Variants in LYSMD3 observed in about 807,000 individuals in gnomAD.
The protein encoded by LYSMD3 is lysM and putative peptidoglycan-binding domain-containing protein 3.
In LYSMD3, 13 loss-of-function variants were observed where a neutral mutation model predicts 26.1. That is an observed-to-expected ratio of 0.50 (90% CI 0.32 to 0.79). The LOEUF (loss-of-function observed/expected upper bound fraction) is 0.79, where lower values mean the gene tolerates loss of function less well. Ranked by LOEUF, LYSMD3 falls within the 30% of genes least tolerant of loss-of-function variation. The pLI is 0.03. For missense variants in LYSMD3, 331 were observed against 362.5 expected (o/e 0.91, Z 0.71); for synonymous variants, 109 against 119.4 (o/e 0.91, Z 0.57).
chr5:90,518,789 G>GACCTT lies in LYSMD3; in HGVS notation c.*29_*30insAAGGT, dbSNP rs2151920457. 6.3e-7 allele frequency: 1 copy of GACCTT among 1,586,024 alleles called. No homozygotes were observed. Among genetic ancestry groups the GACCTT allele is most frequent in the Non-Finnish European group, 8.6e-7 (1 of 1,163,674 alleles). On this transcript the variant is annotated 3_prime_UTR_variant, in exon 3 of 3. Transcript: ENST00000315948. The stretch of plus-strand genomic sequence containing the variant: ...TTCACCACATTCCAGATGCACATGT[G>GACCTT]ACCACTAACATTTGATTATGAGCTA...
chr5:90,517,241 C>T lies in LYSMD3; in HGVS notation c.*1578G>A, dbSNP rs1308640723. On this transcript the variant is annotated 3_prime_UTR_variant, in exon 3 of 3. Transcript: ENST00000315948. ...TTTGACTTCTTTGTCCTGTCTTTTC[C>T]TGATGGTCTTCTCCTGAAAGTACAT... The T allele has an allele frequency of 6.6e-6, 1 of 152,084 alleles. No homozygotes were observed. The highest frequency in any genetic ancestry group is 6.6e-5 in the Admixed American group (1 of 15,258). 9.4% of individuals were successfully genotyped at this position (152,084 alleles called of 1,614,324 possible).
In LYSMD3 at chr5:90,529,540, T is replaced by C. The variant is rs777588319; in HGVS notation, c.-104A>G. The C allele has an allele frequency of 6.6e-6, 3 of 456,650 alleles. No homozygotes were observed. The highest frequency in any genetic ancestry group is 4.6e-5 in the South Asian group (3 of 64,568). The allele number at this position is 456,650 out of a possible 1,614,324, so 28.3% of individuals were successfully genotyped here. On this transcript the variant is annotated 5_prime_UTR_variant, in exon 1 of 3. Coordinates refer to ENST00000315948, the MANE Select transcript of LYSMD3 (RefSeq NM_198273.2). ...GGTAAGTTCATGGCCGAGCCTCTGC[T>C]TTGGGCTGACCCCGTCCGCCTCCGC... is the stretch of plus-strand genomic sequence containing the variant.
rs191540641 is a variant in LYSMD3 at position 90,525,140 on chromosome 5, G to A, written c.150C>T (p.Val50=). Residue 50 remains valine, a synonymous_variant, in exon 2 of 3, where the codon GTC becomes GTT. Coordinates refer to ENST00000315948, the MANE Select transcript of LYSMD3 (RefSeq NM_198273.2). ...YELRSRGKEK[V]RRSTSRDRLD... ...GTCTATCTCTTGATGTACTTCTTCG[G>A]ACTTTCTCTTTTCCTCTGGATCGAA... 5 of 1,613,942 alleles carry A rather than the reference G, an allele frequency of 3.1e-6. No individual in the cohort carries two copies. The African/African-American group carries it at 6.7e-5, about 22-fold the overall frequency.
chr5:90,519,930 A>G (rs936789596), intron 2 of LYSMD3, among the ~76,000 whole-genome samples: 1 of 151,850 alleles, frequency 6.6e-6, no homozygotes, highest in African/African-American at 2.4e-5. Context: ...AGATGCCATA[A>G]CTCTAAGATG....
chr5:90,527,354 A>T (rs1028137580), intron 1 of LYSMD3, among the ~76,000 whole-genome samples: 9 of 151,642 alleles, frequency 5.9e-5, no homozygotes, highest in African/African-American at 2.2e-4. Context: ...CTGTACAGGT[A>T]TTCTGGTGAT....
At position 90,517,353 on chromosome 5, in the gene LYSMD3, A is replaced by C. The variant is rs1218986819; in HGVS notation, c.*1466T>G. Reference sequence around the variant, plus strand: ...CTTATCAAAAGCCTGAAACATCAACAATTAGGAAATAATGCCCAGAAAATG... The same window carrying C: ...CTTATCAAAAGCCTGAAACATCAACCATTAGGAAATAATGCCCAGAAAATG... On this transcript the variant is annotated 3_prime_UTR_variant, in exon 3 of 3. Transcript: ENST00000315948. The C allele has an allele frequency of 4.6e-5, 7 of 152,032 alleles. No individual in the cohort carries two copies. Among genetic ancestry groups the C allele is most frequent in the African/African-American group, 1.7e-4 (7 of 41,440 alleles). The allele number at this position is 152,032 out of a possible 1,614,324, so 9.4% of individuals were successfully genotyped here.
At chr5:90,521,484 G>A (rs918234763) in intron 2 of LYSMD3, among the ~76,000 whole-genome samples, 7 of 152,074 alleles carry the variant, frequency 4.6e-5, no homozygotes, top group African/African-American at 1.2e-4. Context: ...TGCAATGTAT[G>A]TGTGGGGGGA....
At chr5:90,519,635 T>C in intron 2 of LYSMD3, 151 bp from the exon 3 acceptor site, 1 of 747,362 alleles carries the variant, frequency 1.3e-6, no homozygotes, top group African/African-American at 1.8e-5. Flanking sequence ...ATTTTATTTG[T>C]AGATGAGAAT....
At chr5:90,524,756 T>A (rs1158380165) in intron 2 of LYSMD3, among the ~76,000 whole-genome samples, 1 of 152,146 alleles carries the variant, frequency 6.6e-6, no homozygotes, top group African/African-American at 2.4e-5. Flanking sequence ...CACGCCCGGC[T>A]AATTTTTTTG....
In LYSMD3 at chr5:90,517,248, T is replaced by C. The variant is rs373562272; in HGVS notation, c.*1571A>G. ...TCTTTGTCCTGTCTTTTCCTGATGG[T>C]CTTCTCCTGAAAGTACATAAAACTG... is the stretch of plus-strand genomic sequence containing the variant. On this transcript the variant is annotated 3_prime_UTR_variant, in exon 3 of 3. Transcript: ENST00000315948. The C allele has an allele frequency of 1.3e-5, 2 of 152,350 alleles. No homozygotes were observed. Among genetic ancestry groups the C allele is most frequent in the East Asian group, 1.9e-4 (1 of 5,190 alleles). The allele number at this position is 152,350 out of a possible 1,614,324, so 9.4% of individuals were successfully genotyped here.
At position 90,525,283 on chromosome 5, in the gene LYSMD3, C is replaced by G; in HGVS notation, c.7G>C (p.Gly3Arg). 6.3e-7 allele frequency: 1 copy of G among 1,596,506 alleles called. No individual in the cohort carries two copies. Among genetic ancestry groups the G allele is most frequent in the Non-Finnish European group, 8.5e-7 (1 of 1,173,856 alleles). Reference protein sequence around the residue: MAGRHQNRSFPLP... With the variant: MARRHQNRSFPLP... Reference sequence around the variant, plus strand: ...GGAAAACTACGATTCTGATGCCTCCCTGCCATAATGTTAAAATCTGGAGGA... The same window carrying G: ...GGAAAACTACGATTCTGATGCCTCCGTGCCATAATGTTAAAATCTGGAGGA... Residue 3 changes from glycine (G) to arginine (R), a missense_variant, in exon 2 of 3, where the codon GGG (glycine) becomes CGG (arginine). Coordinates refer to ENST00000315948, the MANE Select transcript of LYSMD3 (RefSeq NM_198273.2).
intron 2 of LYSMD3, among the ~76,000 whole-genome samples, chr5:90,524,491 T>A (rs1339328289): frequency 6.6e-6 from 1 of 152,238 alleles, no homozygotes; most frequent in Non-Finnish European, 1.5e-5. Flanking sequence ...CATAGTTGAG[T>A]GTTTTTCAAT....
At chr5:90,520,399 T>C (rs1753062122) in intron 2 of LYSMD3, 1 of 456,186 alleles carries the variant, frequency 2.2e-6, no homozygotes, top group South Asian at 1.5e-5. Flanking sequence ...GGGTCTAGTA[T>C]GAAGCTTAGA....
rs1031689412 is a variant in LYSMD3 at position 90,517,555 on chromosome 5, T to C, written c.*1264A>G. Reference sequence around the variant, plus strand: ...CTTACTTAGCCAGACTGTAGCCGACTCAACAGATCTTAAAAAGAGGCACTA... The same window carrying C: ...CTTACTTAGCCAGACTGTAGCCGACCCAACAGATCTTAAAAAGAGGCACTA... On this transcript the variant is annotated 3_prime_UTR_variant, in exon 3 of 3. Coordinates refer to ENST00000315948, the MANE Select transcript of LYSMD3 (RefSeq NM_198273.2). The C allele has an allele frequency of 1.3e-5, 2 of 152,070 alleles. No homozygotes were observed. Among genetic ancestry groups the C allele is most frequent in the African/African-American group, 4.8e-5 (2 of 41,438 alleles). The allele number at this position is 152,070 out of a possible 1,614,324, so 9.4% of individuals were successfully genotyped here.
At chr5:90,523,159 G>A (rs145772469) in intron 2 of LYSMD3, among the ~76,000 whole-genome samples, 20 of 152,046 alleles carry the variant, frequency 1.3e-4, no homozygotes, top group African/African-American at 4.6e-4. Flanking sequence ...TTTGCATTTA[G>A]AAATAAACTT....
chr5:90,527,443 A>ATGTG (rs1753251277), intron 1 of LYSMD3, among the ~76,000 whole-genome samples: 1 of 135,882 alleles, frequency 7.4e-6, no homozygotes, highest in Admixed American at 7.5e-5. Flanking sequence ...TTAAGCACTT[A>ATGTG]TGTGTGAAAA....
In LYSMD3 at chr5:90,529,546, C is replaced by T. The variant is rs571500644; in HGVS notation, c.-110G>A. 268 of 456,670 alleles carry T rather than the reference C, an allele frequency of 5.9e-4. No individual in the cohort carries two copies. The highest frequency in any genetic ancestry group is 4.5e-3 in the African/African-American group (228 of 50,206). 28.3% of individuals were successfully genotyped at this position (456,670 alleles called of 1,614,324 possible). On this transcript the variant is annotated 5_prime_UTR_variant, in exon 1 of 3. Coordinates refer to ENST00000315948, the MANE Select transcript of LYSMD3 (RefSeq NM_198273.2). ...TTCATGGCCGAGCCTCTGCTTTGGGCTGACCCCGTCCGCCTCCGCCTCTGC... is the reference window on the plus strand; with the variant it reads ...TTCATGGCCGAGCCTCTGCTTTGGGTTGACCCCGTCCGCCTCCGCCTCTGC...
At chr5:90,524,679 C>T (rs1236795268) in intron 2 of LYSMD3, among the ~76,000 whole-genome samples, 2 of 152,172 alleles carry the variant, frequency 1.3e-5, no homozygotes, top group Non-Finnish European at 2.9e-5. Context: ...GCAAGCTCCG[C>T]CTCCCAGGTT....
chr5:90,525,374 T>A, intron 1 of LYSMD3, 74 bp from the exon 2 acceptor site: 1 of 1,326,536 alleles, frequency 7.5e-7, no homozygotes, highest in South Asian at 1.4e-5. Flanking sequence ...GCATCGTACA[T>A]TCAGGACACA....
Sources: allele counts gnomAD v4.1 joint callset (sites outside exome capture counted in the v4.1 genomes callset), GRCh38; gene constraint gnomAD v4.1.1; transcripts MANE v1.5; gene names NCBI Gene and HGNC (gene_info 2026-07-23, HGNC 2026-07-21).